DCLK2: variants seen among roughly 807,000 people sequenced by gnomAD.
DCLK2 encodes the protein doublecortin like kinase 2, also known as serine/threonine-protein kinase DCLK2.
A neutral mutation model predicts 78.4 loss-of-function variants in DCLK2; 31 were observed. That is an observed-to-expected ratio of 0.40 (90% CI 0.30 to 0.53). The LOEUF is 0.53. DCLK2 is among the 20% of genes least tolerant of loss of function. DCLK2 has a pLI of 0.61. For synonymous variants in DCLK2, 407 were observed against 374.9 expected (o/e 1.09, Z -0.99); for missense variants, 872 against 973.7 (o/e 0.90, Z 1.39).
intron 2 of DCLK2, among the ~76,000 whole-genome samples, chr4:150,141,156 A>T (rs752386933): frequency 3.9e-5 from 6 of 152,176 alleles, no homozygotes; most frequent in Non-Finnish European, 8.8e-5. Context: ...TTAATTCTTA[A>T]CACTAGGCAA....
intron 2 of DCLK2, among the ~76,000 whole-genome samples, chr4:150,130,634 T>C (rs1010584359): frequency 6.6e-6 from 1 of 152,004 alleles, no homozygotes; most frequent in Non-Finnish European, 1.5e-5. Context: ...ATATCAGCTT[T>C]TGACAAAACT....
At chr4:150,133,080 A>G (rs1733441814) in intron 2 of DCLK2, among the ~76,000 whole-genome samples, 1 of 152,186 alleles carries the variant, frequency 6.6e-6, no homozygotes, top group African/African-American at 2.4e-5. Flanking sequence ...ACTAACATGT[A>G]TTTTCTCCAT....
chr4:150,102,432 T>C lies in DCLK2; in HGVS notation c.422-46T>C, dbSNP rs746515072. The C allele has an allele frequency of 3.2e-6, 5 of 1,572,794 alleles. No homozygotes were observed. The African/African-American group carries it at 4.1e-5, about 13-fold the overall frequency. On this transcript the variant is annotated intron_variant, in intron 1 of 15. Coordinates refer to ENST00000296550, the MANE Select transcript of DCLK2 (RefSeq NM_001040260.4). Reference sequence around the variant, plus strand: ...ATCTGTTCTTTAGACCAAATGCTTCTATGATAGAGATAATCATGCTAATAA... The same window carrying C: ...ATCTGTTCTTTAGACCAAATGCTTCCATGATAGAGATAATCATGCTAATAA...
At chr4:150,252,506 G>A (rs1744248654) in intron 15 of DCLK2, among the ~76,000 whole-genome samples, 1 of 152,210 alleles carries the variant, frequency 6.6e-6, no homozygotes, top group Non-Finnish European at 1.5e-5. Flanking sequence ...CCATAGGCCT[G>A]TGCCCGGCCT....
intron 5 of DCLK2, among the ~76,000 whole-genome samples, chr4:150,214,574 C>G (rs973969667): frequency 6.6e-6 from 1 of 152,110 alleles, no homozygotes; most frequent in East Asian, 1.9e-4. Flanking sequence ...CATATATGGC[C>G]GTTTTCATAC....
At chr4:150,150,762 A>T (rs1734829247) in intron 2 of DCLK2, among the ~76,000 whole-genome samples, 1 of 152,218 alleles carries the variant, frequency 6.6e-6, no homozygotes, top group Non-Finnish European at 1.5e-5. Flanking sequence ...CTCAGGGACT[A>T]ATAGCCAGTT....
At chr4:150,121,710 C>T (rs904332757) in intron 2 of DCLK2, among the ~76,000 whole-genome samples, 1 of 152,136 alleles carries the variant, frequency 6.6e-6, no homozygotes, top group African/African-American at 2.4e-5. Flanking sequence ...TTTACTTAGC[C>T]TGGATCCATC....
chr4:150,131,059 G>A (rs1390014876), intron 2 of DCLK2, among the ~76,000 whole-genome samples: 1 of 152,050 alleles, frequency 6.6e-6, no homozygotes, highest in Admixed American at 6.5e-5. Context: ...ATCTTGCTTG[G>A]TTGCCCAGGC....
intron 2 of DCLK2, among the ~76,000 whole-genome samples, chr4:150,140,261 C>G (rs2071484554): frequency 6.6e-6 from 1 of 152,232 alleles, no homozygotes; most frequent in Non-Finnish European, 1.5e-5. Flanking sequence ...ATACCTTATT[C>G]CTTGGAATTT....
chr4:150,096,095 G>A (rs1730442449), intron 1 of DCLK2, among the ~76,000 whole-genome samples: 1 of 152,200 alleles, frequency 6.6e-6, no homozygotes, highest in African/African-American at 2.4e-5. Flanking sequence ...CAGACATGGG[G>A]CTCTTTACTA....
chr4:150,136,513 A>G (rs1733691118), intron 2 of DCLK2, among the ~76,000 whole-genome samples: 1 of 152,236 alleles, frequency 6.6e-6, no homozygotes, highest in Admixed American at 6.5e-5. Context: ...CATGAGATTC[A>G]AAGGAATGGG....
intron 7 of DCLK2, 32 bp from the exon 8 acceptor site, chr4:150,224,469 C>A (rs751635357): frequency 1.3e-6 from 2 of 1,560,794 alleles, no homozygotes; most frequent in Admixed American, 2.0e-5. Flanking sequence ...TAATTTATGT[C>A]TTTAAATGGT....
intron 12 of DCLK2, 119 bp from the exon 13 acceptor site, chr4:150,247,484 C>T (rs184977096): frequency 2.6e-5 from 18 of 694,612 alleles, no homozygotes; most frequent in African/African-American, 7.1e-5. Context: ...AATTGAGATA[C>T]GGAATGCCCA....
Position 150,079,154 on chromosome 4 carries a change from G to T in DCLK2, c.127G>T (p.Gly43Trp). 6.2e-7 allele frequency: 1 copy of T among 1,602,536 alleles called. No homozygotes were observed. The highest frequency in any genetic ancestry group is 8.5e-7 in the Non-Finnish European group (1 of 1,174,548). Residue 43 changes from glycine to tryptophan, a missense_variant, in exon 1 of 16, where the codon GGG becomes TGG. Physicochemically the swap from Gly to Trp is radical, Grantham distance 184. Transcript: ENST00000296550. Reference sequence around the variant, plus strand: ...CAGCAGCTCGGGCCCCAAGGGGAACGGGCTCATCCCCAGTCCGGCGCACAG... The same window carrying T: ...CAGCAGCTCGGGCCCCAAGGGGAACTGGCTCATCCCCAGTCCGGCGCACAG... ...GSSSSGPKGN[G>W]LIPSPAHSAH...
At chr4:150,226,225 C>CT (rs3033026) in intron 8 of DCLK2, among the ~76,000 whole-genome samples, 120,879 of 142,740 alleles carry the variant, frequency 0.85, 52,383 homozygotes, top group Non-Finnish European at 0.95. Flanking sequence ...TTGTCATTTA[C>CT]TTTTTTTTTT....
At chr4:150,195,775 T>C (rs1225143379) in intron 3 of DCLK2, among the ~76,000 whole-genome samples, 1 of 151,468 alleles carries the variant, frequency 6.6e-6, no homozygotes, top group Non-Finnish European at 1.5e-5. Flanking sequence ...TAGTTAGAAG[T>C]TGGTGAGAGC....
intron 2 of DCLK2, among the ~76,000 whole-genome samples, chr4:150,130,229 G>C (rs1733205682): frequency 6.6e-6 from 1 of 152,046 alleles, no homozygotes; most frequent in African/African-American, 2.4e-5. Context: ...TGAGGTCCCT[G>C]TTCTTCAGGC....
Position 150,198,910 on chromosome 4 carries a change from A to AG in DCLK2, c.961+807_961+808insG, listed in dbSNP as rs751664389. On this transcript the variant is annotated intron_variant, in intron 4 of 15. Transcript: ENST00000296550. ...ACTATTCGCCCTTTCCCCTTTCAGC[A>AG]CCCCCCCCCCCACTTTCTGTAGGGC... The AG allele has an allele frequency of 8.4e-6, 2 of 237,282 alleles. 1 individual carries two copies. Among genetic ancestry groups the AG allele is most frequent in the Non-Finnish European group, 1.7e-5 (2 of 117,352 alleles). The allele number at this position is 237,282 out of a possible 1,614,324, so 14.7% of individuals were successfully genotyped here.
intron 12 of DCLK2, among the ~76,000 whole-genome samples, chr4:150,244,013 C>T (rs906754105): frequency 1.3e-5 from 2 of 151,978 alleles, no homozygotes; most frequent in African/African-American, 2.4e-5. Context: ...TAGCTCACTG[C>T]AGTCTCCAAC....
Sources: allele counts gnomAD v4.1 joint callset (sites outside exome capture counted in the v4.1 genomes callset), GRCh38; gene constraint gnomAD v4.1.1; transcripts MANE v1.5; gene names NCBI Gene and HGNC (gene_info 2026-07-23, HGNC 2026-07-21).